Variants in THAP8 observed in about 807,000 individuals in gnomAD.
The protein encoded by THAP8 is THAP domain containing 8, also known as THAP domain-containing protein 8.
Under a neutral mutation model 25.0 loss-of-function variants are expected in THAP8, and 24 were observed. The ratio of observed to expected loss-of-function variants is 0.96; its 90% confidence interval spans 0.69 to 1.35. THAP8 has a LOEUF of 1.35. Among genes scored for constraint, THAP8 ranks in the 40% most tolerant of loss-of-function variants. The pLI, the probability that THAP8 is intolerant of heterozygous loss-of-function variation, is 0.00. For missense variants in THAP8, 399 were observed against 368.8 expected, an observed-to-expected ratio of 1.08 and a Z score of -0.67; for synonymous variants, 169 against 157.6, an observed-to-expected ratio of 1.07 and a Z score of -0.54.
At chr19:36,048,869 A>C (rs539427222) in intron 1 of THAP8, among the ~76,000 whole-genome samples, 172 of 150,812 alleles carry the variant, frequency 1.1e-3, no homozygotes, top group African/African-American at 3.6e-3. Flanking sequence ...AAAAAACAAA[A>C]AACACCTTTG....
chr19:36,040,331 A>C (rs562104265), intron 1 of THAP8, among the ~76,000 whole-genome samples, 195 bp from the exon 2 acceptor site: 1 of 152,160 alleles, frequency 6.6e-6, no homozygotes, highest in East Asian at 1.9e-4. Context: ...ATCTTTTAGT[A>C]GTAGTATTTT....
rs192898190 is a variant in THAP8 at position 36,039,730 on chromosome 19, G to T, written c.277-12C>A. On this transcript the variant is annotated splice_polypyrimidine_tract_variant and intron_variant, in intron 2 of 3. Transcript: ENST00000292894. Reference sequence around the variant, plus strand: ...GTCCTCCGCTGACTCTGGAAGACAAGGCATGGGGTGCAGGGGTGCCGTGGT... The same window carrying T: ...GTCCTCCGCTGACTCTGGAAGACAATGCATGGGGTGCAGGGGTGCCGTGGT... 6.6e-7 allele frequency: 1 copy of T among 1,507,096 alleles called. No homozygotes were observed. The highest frequency in any genetic ancestry group is 1.7e-4 in the Middle Eastern group (1 of 5,742). 93.4% of individuals were successfully genotyped at this position (1,507,096 alleles called of 1,614,324 possible). A position where few individuals can be genotyped will look rare whatever the true frequency, so the allele number is the denominator to read the frequency against.
At position 36,039,437 on chromosome 19, in the gene THAP8, C is replaced by A; in HGVS notation, c.558G>T (p.Arg186Ser). Residue 186 changes from arginine to serine, a missense_variant, in exon 3 of 4, where the codon AGG (arginine) becomes AGT (serine). Physicochemically the swap from Arg to Ser is moderately radical, Grantham distance 110 (BLOSUM62 -1). Coordinates refer to ENST00000292894, the MANE Select transcript of THAP8 (RefSeq NM_152658.3). ...VLGALQRRVR[R>S]LQRCQERHQA... is the part of the protein sequence containing the mutation. ...GGTGCCGCTCCTGGCACCGTTGCAG[C>A]CTCCGCACCCGGCGTTGCAGTGCTC... The A allele has an allele frequency of 1.9e-6, 3 of 1,587,666 alleles. No homozygotes were observed. The highest frequency in any genetic ancestry group is 2.6e-6 in the Non-Finnish European group (3 of 1,167,026).
Position 36,039,717 on chromosome 19 carries a change from C to T in THAP8, c.278G>A (p.Ser93Asn). 2 of 1,513,770 alleles carry T rather than the reference C, an allele frequency of 1.3e-6. No individual in the cohort carries two copies. The highest frequency in any genetic ancestry group is 1.3e-5 in the South Asian group (1 of 77,192). The allele number at this position is 1,513,770 out of a possible 1,614,324, so 93.8% of individuals were successfully genotyped here. Reference protein sequence around the residue: ...SIFSRGPPAKSQRRTRSTQKP... With the variant: ...SIFSRGPPAKNQRRTRSTQKP... ...CTGGGTGCTTCGGGTCCTCCGCTGA[C>T]TCTGGAAGACAAGGCATGGGGTGCA... is the stretch of plus-strand genomic sequence containing the variant. Residue 93 changes from serine to asparagine, a missense_variant and splice_region_variant, in exon 3 of 4, where the codon AGT (serine) becomes AAT (asparagine). Ser to Asn is a conservative substitution (Grantham distance 46, BLOSUM62 1). Transcript: ENST00000292894.
At position 36,040,143 on chromosome 19, in the gene THAP8, G is replaced by C. The variant is rs766490708; in HGVS notation, c.84-7C>G. 1.9e-6 allele frequency: 3 copies of C among 1,597,224 alleles called. No homozygotes were observed. The African/African-American group carries it at 4.0e-5, about 21-fold the overall frequency. ...ACCATCCTTCAGTGGGAACCTGCAT[G>C]GGTGGTTGGGGGGCTGGGTCAGTGC... On this transcript the variant is annotated splice_region_variant and splice_polypyrimidine_tract_variant and intron_variant, in intron 1 of 3. Transcript: ENST00000292894.
At chr19:36,035,641 G>C in intron 3 of THAP8, 49 bp from the exon 4 acceptor site, 1 of 1,589,768 alleles carries the variant, frequency 6.3e-7, no homozygotes, top group Non-Finnish European at 8.6e-7. Context: ...AGCAAGTTGC[G>C]GGAGAGACAG....
At chr19:36,054,650 C>T (rs967483514), upstream of THAP8, 11 of 556,572 alleles carry the variant, frequency 2.0e-5, no homozygotes, top group East Asian at 2.8e-4. Context: ...GTGAGGCGGC[C>T]GTGGCCTTAG....
At chr19:36,037,299 T>TAC (rs376932776) in intron 3 of THAP8, among the ~76,000 whole-genome samples, 8,452 of 67,560 alleles carry the variant, frequency 0.13, 385 homozygotes, top group South Asian at 0.18. Context: ...CTTCCTCCCC[T>TAC]ACACACACAC....
Sources: gnomAD v4.1 joint callset for allele counts (sites outside exome capture counted in the v4.1 genomes callset) on GRCh38, gnomAD v4.1.1 for gene constraint, MANE v1.5 for transcripts, NCBI Gene and HGNC (gene_info 2026-07-23, HGNC 2026-07-21) for gene names.